Variants in RPL14 observed in about 807,000 individuals in gnomAD.
RPL14 encodes the protein large ribosomal subunit protein eL14.
A neutral mutation model predicts 25.3 loss-of-function variants in RPL14; 4 were observed. The ratio of observed to expected loss-of-function variants is 0.16; its 90% confidence interval spans 0.08 to 0.36. The LOEUF (loss-of-function observed/expected upper bound fraction) is 0.36. RPL14 is among the 10% of genes least tolerant of loss of function. RPL14 has a pLI of 1.00. For synonymous variants in RPL14, 75 were observed against 89.8 expected (o/e 0.84, Z 0.93); for missense variants, 212 against 261.9 (o/e 0.81, Z 1.31).
At chr3:40,460,236 T>G (rs1696913949) in intron 3 of RPL14, among the ~76,000 whole-genome samples, 2 of 152,114 alleles carry the variant, frequency 1.3e-5, no homozygotes, top group Admixed American at 1.3e-4. Flanking sequence ...GTTACGAGAA[T>G]GAATGGCTCG....
rs1025622363 is a variant in RPL14, at chr3:40,462,093, G to A, written c.509G>A (p.Ser170Asn). 5.6e-6 allele frequency: 9 copies of A among 1,607,178 alleles called. No individual in the cohort carries two copies. The highest frequency in any genetic ancestry group is 4.0e-5 in the African/African-American group (3 of 74,208). Residue 170 changes from serine to asparagine, a missense_variant, in exon 6 of 6, where the codon AGT (serine) becomes AAT (asparagine). Coordinates refer to ENST00000396203, the MANE Select transcript of RPL14 (RefSeq NM_001034996.3). ...KVPAKKITAA[S>N]KKAPAQKVPA... ...CCAGCAAAAAAGATCACCGCCGCGA[G>A]TAAAAAGGCTCCAGCCCAGAAGGTT...
At position 40,461,981 on chromosome 3, in the gene RPL14, G is replaced by A. The variant is rs1696944303; in HGVS notation, c.397G>A (p.Ala133Thr). ...IKNEVKKLQK[A>T]ALLKASPKKA... ...GAATGAAGTTAAGAAGCTTCAAAAG[G>A]CAGCTCTCCTGAAAGCTTCTCCCAA... Residue 133 changes from alanine (A) to threonine (T), a missense_variant, in exon 6 of 6, where the codon GCA (alanine) becomes ACA (threonine). Transcript: ENST00000396203. The A allele has an allele frequency of 6.2e-7, 1 of 1,608,196 alleles. No individual in the cohort carries two copies.
At position 40,463,297 on chromosome 3, in the gene RPL14, CCT is replaced by C. The variant is rs1696977240; in HGVS notation, c.*1066_*1067del. 1 of 152,450 alleles carries C rather than the reference CCT, an allele frequency of 6.6e-6. No individual in the cohort carries two copies. The highest frequency in any genetic ancestry group is 1.5e-5 in the Non-Finnish European group (1 of 68,238). The allele number at this position is 152,450 out of a possible 1,614,324, so 9.4% of individuals were successfully genotyped here. ...TCTTGGCTCAGCGCAACCTCTGCCT[CCT>C]GGGCTCAAGCGGTTCTCCTGCTCAG... On this transcript the variant is annotated 3_prime_UTR_variant, in exon 6 of 6. Transcript: ENST00000396203.
rs1340197582 is a variant in RPL14, at chr3:40,465,645, A to G, written c.*3413A>G. On this transcript the variant is annotated 3_prime_UTR_variant, in exon 6 of 6. Transcript: ENST00000396203. ...GCAGACATACAGGTTGTAATTCCTT[A>G]TGGAGGAAAGGGGAGAGCACTTTTG... 1.3e-5 allele frequency: 2 copies of G among 152,284 alleles called. No homozygotes were observed. Among genetic ancestry groups the G allele is most frequent in the East Asian group, 3.9e-4 (2 of 5,176 alleles). 9.4% of individuals were successfully genotyped at this position (152,284 alleles called of 1,614,324 possible).
intron 2 of RPL14, chr3:40,458,323 A>G: frequency 1.9e-6 from 1 of 514,052 alleles, no homozygotes; most frequent in Non-Finnish European, 3.5e-6. Context: ...GAAACAAGCA[A>G]ACTAAGGAGT....
rs560947945 is a variant in RPL14, at chr3:40,460,873, C to T, written c.201-534C>T. On this transcript the variant is annotated intron_variant, in intron 3 of 5. Coordinates refer to ENST00000396203, the MANE Select transcript of RPL14 (RefSeq NM_001034996.3). ...CTGGGATTACAGGTGTGAGCCACTG[C>T]GCCTGGTCAAGAGGTAGTTTTTAAA... 2.0e-5 allele frequency among the ~76,000 whole-genome samples: 3 copies of T among 151,714 alleles called. No homozygotes were observed. The South Asian group carries it at 6.3e-4, about 32-fold the overall frequency.
chr3:40,462,370 T>C lies in RPL14; in HGVS notation c.*138T>C. On this transcript the variant is annotated 3_prime_UTR_variant, in exon 6 of 6. Transcript: ENST00000396203. The stretch of plus-strand genomic sequence containing the variant: ...ATTATAATAAACATTAAATAATCAG[T>C]TCCTTTTTTTTTTTTTTTTTTTTTG... 1 of 639,904 alleles carries C rather than the reference T, an allele frequency of 1.6e-6. No homozygotes were observed. The highest frequency in any genetic ancestry group is 2.3e-6 in the Non-Finnish European group (1 of 427,180). 39.6% of individuals were successfully genotyped at this position (639,904 alleles called of 1,614,324 possible).
rs896479078 is a variant in RPL14, at chr3:40,457,891, T to C, written c.5T>C (p.Val2Ala). Reference sequence around the variant, plus strand: ...CTGTCCTTTCTCCTCCAATTTTAGGTGTTCAGGCGCTTCGTGGAGGTTGGC... The same window carrying C: ...CTGTCCTTTCTCCTCCAATTTTAGGCGTTCAGGCGCTTCGTGGAGGTTGGC... MVFRRFVEVGRV... is the reference protein window; with the variant it reads MAFRRFVEVGRV... The change falls in exon 2 of 6, where the codon GTG becomes GCG. Residue 2 changes from valine (V) to alanine (A), a missense_variant and splice_region_variant. By Grantham distance (64) the Val-to-Ala change is moderately conservative. Coordinates refer to ENST00000396203, the MANE Select transcript of RPL14 (RefSeq NM_001034996.3). The C allele has an allele frequency of 1.2e-6, 2 of 1,614,170 alleles. No individual in the cohort carries two copies. Among genetic ancestry groups the C allele is most frequent in the Non-Finnish European group, 1.7e-6 (2 of 1,179,960 alleles).
intron 3 of RPL14, chr3:40,459,063 C>T (rs1028279463): frequency 1.1e-5 from 3 of 282,252 alleles, no homozygotes; most frequent in African/African-American, 6.7e-5. Flanking sequence ...GCCTGTAATC[C>T]CAGGTAGGGG....
Position 40,461,919 on chromosome 3 carries a change from C to T in RPL14, c.355-20C>T, listed in dbSNP as rs199813795. The T allele has an allele frequency of 1.3e-6, 2 of 1,583,372 alleles. No individual in the cohort carries two copies. Among genetic ancestry groups the T allele is most frequent in the Non-Finnish European group, 8.6e-7 (1 of 1,169,344 alleles). On this transcript the variant is annotated intron_variant, in intron 5 of 5. Transcript: ENST00000396203. ...TGTATGTATACACAATAAGTGCTTT[C>T]TTACATTGATAATTTTCAGAGGAAC...
chr3:40,459,394 A>G (rs1696896441), intron 3 of RPL14, among the ~76,000 whole-genome samples: 1 of 152,234 alleles, frequency 6.6e-6, no homozygotes, highest in Non-Finnish European at 1.5e-5. Flanking sequence ...AGTATTTAAT[A>G]TAAGAGGTTT....
In RPL14 at chr3:40,466,089, G is replaced by T. The variant is rs1171560216; in HGVS notation, c.*3857G>T. The T allele has an allele frequency of 6.6e-6, 1 of 152,292 alleles. No homozygotes were observed. The highest frequency in any genetic ancestry group is 1.5e-5 in the Non-Finnish European group (1 of 68,184). 9.4% of individuals were successfully genotyped at this position (152,292 alleles called of 1,614,324 possible). The stretch of plus-strand genomic sequence containing the variant: ...GCCTGTAATCCCAGCTACTTGGGAG[G>T]CTGAGGCGGGAGAATCGCTTGAACC... On this transcript the variant is annotated 3_prime_UTR_variant, in exon 6 of 6. Transcript: ENST00000396203.
At chr3:40,459,191 A>G (rs939739110) in intron 3 of RPL14, 15 of 153,272 alleles carry the variant, frequency 9.8e-5, no homozygotes, top group Admixed American at 2.6e-4. Context: ...CTCAAAAATA[A>G]ATAAATAAAA....
In RPL14 at chr3:40,458,756, TCCTC is replaced by T; in HGVS notation, c.200+27_200+30del. On this transcript the variant is annotated intron_variant, in intron 3 of 5. Coordinates refer to ENST00000396203, the MANE Select transcript of RPL14 (RefSeq NM_001034996.3). ...GCACAGGTAACTGTCCACTAATCACTCCTCCCTCCCATCCCCAGATTTGTTTATG... is the reference window on the plus strand; with the variant it reads ...GCACAGGTAACTGTCCACTAATCACTCCTCCCATCCCCAGATTTGTTTATG... 1.3e-6 allele frequency: 2 copies of T among 1,594,594 alleles called. No homozygotes were observed. Among genetic ancestry groups the T allele is most frequent in the Non-Finnish European group, 1.7e-6 (2 of 1,162,384 alleles).
Position 40,465,881 on chromosome 3 carries a change from A to C in RPL14, c.*3649A>C, listed in dbSNP as rs1697020642. ...AAAGGAGTAGAAAATAAAATTAATA[A>C]GGTGGGACCATATGATAAGAGATTT... On this transcript the variant is annotated 3_prime_UTR_variant, in exon 6 of 6. Transcript: ENST00000396203. The C allele has an allele frequency of 6.6e-6, 1 of 152,174 alleles. No homozygotes were observed. The highest frequency in any genetic ancestry group is 6.6e-5 in the Admixed American group (1 of 15,256). 9.4% of individuals were successfully genotyped at this position (152,174 alleles called of 1,614,324 possible).
chr3:40,459,868 A>AAAC (rs1553649138), intron 3 of RPL14, among the ~76,000 whole-genome samples: 3 of 151,136 alleles, frequency 2.0e-5, no homozygotes, highest in Non-Finnish European at 3.0e-5. Flanking sequence ...CAAAAAAAAA[A>AAAC]AAAAAAAAAA....
At chr3:40,458,794 A>C in intron 3 of RPL14, 58 bp downstream of exon 3, 1 of 1,442,328 alleles carries the variant, frequency 6.9e-7, no homozygotes. Context: ...TGCTAGTAAA[A>C]GTTTGTTTTG....
chr3:40,462,085 C>T lies in RPL14; in HGVS notation c.501C>T (p.Thr167=), dbSNP rs138888666. Residue 167 remains threonine, a synonymous_variant, in exon 6 of 6, where the codon ACC becomes ACT. Coordinates refer to ENST00000396203, the MANE Select transcript of RPL14 (RefSeq NM_001034996.3). ...AAAKVPAKKI[T]AASKKAPAQK... is the part of the protein sequence containing the mutation. ...CTAAAGTTCCAGCAAAAAAGATCAC[C>T]GCCGCGAGTAAAAAGGCTCCAGCCC... The T allele has an allele frequency of 1.0e-4, 162 of 1,577,634 alleles. No homozygotes were observed. Among genetic ancestry groups the T allele is most frequent in the East Asian group, 2.3e-4 (10 of 43,692 alleles).
Position 40,464,428 on chromosome 3 carries a change from T to C in RPL14, c.*2196T>C, listed in dbSNP as rs1696997851. ...CTGTTCTACTCTGGGAGGTAGAGAA[T>C]TGTCTAGAGAAAGTGGCATCTATAC... On this transcript the variant is annotated 3_prime_UTR_variant, in exon 6 of 6. Coordinates refer to ENST00000396203, the MANE Select transcript of RPL14 (RefSeq NM_001034996.3). 2.2e-6 allele frequency: 1 copy of C among 455,922 alleles called. No homozygotes were observed. Among genetic ancestry groups the C allele is most frequent in the African/African-American group, 2.0e-5 (1 of 50,170 alleles). The allele number at this position is 455,922 out of a possible 1,614,324, so 28.2% of individuals were successfully genotyped here.
Sources: allele counts gnomAD v4.1 joint callset (sites outside exome capture counted in the v4.1 genomes callset), GRCh38; gene constraint gnomAD v4.1.1; transcripts MANE v1.5; gene names NCBI Gene and HGNC (gene_info 2026-07-23, HGNC 2026-07-21).